LRMDA: variants seen among roughly 807,000 people sequenced by gnomAD.
LRMDA encodes the protein leucine-rich melanocyte differentiation-associated protein.
In LRMDA, 18 loss-of-function variants were observed where a neutral mutation model predicts 29.8. The ratio of observed to expected loss-of-function variants is 0.60; its 90% CI spans 0.42 to 0.90. LRMDA has a LOEUF of 0.90. Ranked by LOEUF, LRMDA falls within the 40% of genes least tolerant of loss-of-function variation. The pLI is 0.00. For synonymous variants in LRMDA, 125 were observed against 109.4 expected, an observed-to-expected ratio of 1.14 and a Z score of -0.89; for missense variants, 273 against 273.9, an observed-to-expected ratio of 1.00 and a Z score of 0.02.
At chr10:75,858,221 C>T (rs148379611) in intron 2 of LRMDA, among the ~76,000 whole-genome samples, 57 of 152,278 alleles carry the variant, frequency 3.7e-4, no homozygotes, top group African/African-American at 1.3e-3. Flanking sequence ...CATGGGGACC[C>T]TGTATCACCG....
rs1841702840 is a variant in LRMDA at position 75,658,187 on chromosome 10, G to A, written c.131+219693G>A. On this transcript the variant is annotated intron_variant, in intron 2 of 6. Coordinates refer to ENST00000611255, the MANE Select transcript of LRMDA (RefSeq NM_001305581.2). Reference sequence around the variant, plus strand: ...AATAAGAAAAACCGCAGTGTAGTCCGGAGCTGTGTTAAAGGGAATGAAACG... The same window carrying A: ...AATAAGAAAAACCGCAGTGTAGTCCAGAGCTGTGTTAAAGGGAATGAAACG... 3.3e-5 allele frequency among the ~76,000 whole-genome samples: 5 copies of A among 151,836 alleles called. No homozygotes were observed. The South Asian group carries it at 1.0e-3, about 32-fold the overall frequency.
At chr10:76,359,276 CTTA>C (rs1387475964) in intron 6 of LRMDA, among the ~76,000 whole-genome samples, 1 of 152,120 alleles carries the variant, frequency 6.6e-6, no homozygotes, top group Non-Finnish European at 1.5e-5. Flanking sequence ...TGAGTAAAGG[CTTA>C]TTAGTCCACA....
At chr10:75,928,966 A>G (rs1290321676) in intron 2 of LRMDA, among the ~76,000 whole-genome samples, 3 of 152,192 alleles carry the variant, frequency 2.0e-5, no homozygotes, top group Non-Finnish European at 4.4e-5. Context: ...CTTTGGGGAA[A>G]GGATTACACG....
chr10:75,894,619 G>T (rs1033536129), intron 2 of LRMDA, among the ~76,000 whole-genome samples: 2 of 152,172 alleles, frequency 1.3e-5, no homozygotes, highest in Non-Finnish European at 1.5e-5. Flanking sequence ...CACTGCTTTG[G>T]AAGGATAGTT....
chr10:75,562,271 T>A (rs1349689537), intron 2 of LRMDA, among the ~76,000 whole-genome samples: 2 of 152,142 alleles, frequency 1.3e-5, no homozygotes, highest in African/African-American at 4.8e-5. Context: ...AATTGATCCC[T>A]TTACCATTAT....
At chr10:76,455,613 C>T (rs1842448911) in intron 6 of LRMDA, among the ~76,000 whole-genome samples, 1 of 152,150 alleles carries the variant, frequency 6.6e-6, no homozygotes. Context: ...CTTGTGGTCA[C>T]CTCTAAACTC....
intron 2 of LRMDA, among the ~76,000 whole-genome samples, chr10:75,842,118 A>G (rs886236052): frequency 6.6e-6 from 1 of 152,244 alleles, no homozygotes; most frequent in African/African-American, 2.4e-5. Flanking sequence ...TTGGCAAACT[A>G]TGGTCTGCTG....
chr10:76,259,328 G>T (rs1333170823), intron 5 of LRMDA, among the ~76,000 whole-genome samples: 4 of 151,968 alleles, frequency 2.6e-5, no homozygotes, highest in African/African-American at 9.7e-5. Context: ...TTCACTCATT[G>T]GTTGTTCAGG....
intron 2 of LRMDA, among the ~76,000 whole-genome samples, chr10:75,498,045 T>C (rs1845067954): frequency 6.6e-6 from 1 of 152,198 alleles, no homozygotes; most frequent in South Asian, 2.1e-4. Context: ...AAGTTCTGGT[T>C]GCTCCGTGTC....
chr10:76,288,438 T>C (rs142386564), intron 5 of LRMDA, among the ~76,000 whole-genome samples: 50 of 152,290 alleles, frequency 3.3e-4, no homozygotes, highest in Middle Eastern at 3.4e-3. Context: ...ACATACCCAC[T>C]ATGGAATACT....
chr10:75,576,391 C>T (rs944630562), intron 2 of LRMDA, among the ~76,000 whole-genome samples: 4 of 152,238 alleles, frequency 2.6e-5, no homozygotes, highest in African/African-American at 9.6e-5. Flanking sequence ...TAGATAAAAC[C>T]CCCACCTCCC....
At chr10:75,504,139 C>T (rs914479221) in intron 2 of LRMDA, among the ~76,000 whole-genome samples, 6 of 151,814 alleles carry the variant, frequency 4.0e-5, no homozygotes, top group Admixed American at 2.6e-4. Flanking sequence ...ACCTCAACCT[C>T]CTGAGTAGTG....
At chr10:75,454,925 C>T (rs186196679) in intron 2 of LRMDA, among the ~76,000 whole-genome samples, 15 of 152,304 alleles carry the variant, frequency 9.8e-5, no homozygotes, top group Non-Finnish European at 1.9e-4. Flanking sequence ...CAACTCGTGT[C>T]GTGAAGCACA....
intron 5 of LRMDA, among the ~76,000 whole-genome samples, chr10:76,204,423 C>T (rs1484760507): frequency 6.6e-6 from 1 of 152,246 alleles, no homozygotes; most frequent in African/African-American, 2.4e-5. Context: ...TGTGCCCATT[C>T]ACCCACATAT....
chr10:75,879,081 G>A (rs1027377007), intron 2 of LRMDA, among the ~76,000 whole-genome samples: 12 of 152,142 alleles, frequency 7.9e-5, no homozygotes, highest in African/African-American at 2.9e-4. Context: ...GACAGACATA[G>A]CCTTACTCTT....
chr10:75,709,412 CTGTG>C (rs1372213593), intron 2 of LRMDA, among the ~76,000 whole-genome samples: 7 of 149,534 alleles, frequency 4.7e-5, no homozygotes, highest in South Asian at 2.2e-4. Context: ...GTGTGTGTGT[CTGTG>C]TGTACGTGTG....
intron 2 of LRMDA, among the ~76,000 whole-genome samples, chr10:75,840,441 A>C (rs1033829680): frequency 6.6e-6 from 1 of 152,228 alleles, no homozygotes; most frequent in African/African-American, 2.4e-5. Flanking sequence ...TCTCTTTTGT[A>C]GAGTTTTCAC....
At chr10:76,016,859 C>T (rs183517157) in intron 2 of LRMDA, among the ~76,000 whole-genome samples, 8 of 152,330 alleles carry the variant, frequency 5.3e-5, no homozygotes, top group Admixed American at 4.6e-4. Flanking sequence ...TAATACCTGG[C>T]TCACACAGCT....
At chr10:75,480,701 G>T (rs185628322) in intron 2 of LRMDA, among the ~76,000 whole-genome samples, 16 of 152,366 alleles carry the variant, frequency 1.1e-4, no homozygotes, top group African/African-American at 3.4e-4. Flanking sequence ...GCACAGTCAT[G>T]TTTGTACTTT....
Sources: allele counts gnomAD v4.1 joint callset (sites outside exome capture counted in the v4.1 genomes callset), GRCh38; gene constraint gnomAD v4.1.1; transcripts MANE v1.5; gene names NCBI Gene and HGNC (gene_info 2026-07-23, HGNC 2026-07-21).